Variants in DCLK2 observed in about 807,000 individuals in gnomAD.
DCLK2 encodes the protein serine/threonine-protein kinase DCLK2.
Under a neutral mutation model 78.4 loss-of-function variants are expected in DCLK2, and 31 were observed. The observed-to-expected ratio is 0.40, with a 90% confidence interval of 0.30 to 0.53. The LOEUF (loss-of-function observed/expected upper bound fraction) is 0.53. Ranked by LOEUF, DCLK2 falls within the 20% of genes least tolerant of loss-of-function variation. The pLI is 0.61. For synonymous variants in DCLK2, 407 were observed against 374.9 expected, an observed-to-expected ratio of 1.09 and a Z score of -0.99; for missense variants, 872 against 973.7, an observed-to-expected ratio of 0.90 and a Z score of 1.39.
chr4:150,080,955 A>G (rs894727488), intron 1 of DCLK2, among the ~76,000 whole-genome samples: 3 of 152,192 alleles, frequency 2.0e-5, no homozygotes, highest in Non-Finnish European at 4.4e-5. Flanking sequence ...GAGTATAAGT[A>G]AAAAAGGAAG....
At chr4:150,122,529 C>T (rs1422889531) in intron 2 of DCLK2, among the ~76,000 whole-genome samples, 2 of 152,274 alleles carry the variant, frequency 1.3e-5, no homozygotes, top group South Asian at 2.1e-4. Flanking sequence ...CACATGTTCT[C>T]CCTTGTAAGT....
At position 150,175,011 on chromosome 4, in the gene DCLK2, A is replaced by ATAT. The variant is rs1553964170; in HGVS notation, c.757-18127_757-18126insTAT. ...AGACTCCGTCGCAAAAAAAAAAAAA[A>ATAT]ATATATATATATATATATATATTTA... is the stretch of plus-strand genomic sequence containing the variant. On this transcript the variant is annotated intron_variant, in intron 2 of 15. Transcript: ENST00000296550. Among the ~76,000 whole-genome samples, 16 of 9,976 alleles carry ATAT rather than the reference A, an allele frequency of 1.6e-3. 3 individuals are homozygous for ATAT. Among genetic ancestry groups the ATAT allele is most frequent in the African/African-American group, 2.6e-3 (10 of 3,794 alleles). 6.5% of individuals were successfully genotyped at this position (9,976 alleles called of 152,430 possible).
chr4:150,189,671 G>C (rs182674136), intron 2 of DCLK2, among the ~76,000 whole-genome samples: 2 of 152,264 alleles, frequency 1.3e-5, no homozygotes, highest in Admixed American at 1.3e-4. Flanking sequence ...GACTTAGTAA[G>C]TCCTAAATGT....
At chr4:150,095,440 G>A (rs1414265433) in intron 1 of DCLK2, among the ~76,000 whole-genome samples, 1 of 152,176 alleles carries the variant, frequency 6.6e-6, no homozygotes, top group Non-Finnish European at 1.5e-5. Context: ...CATCCAAGTT[G>A]TTGCATATAG....
chr4:150,253,467 T>A (rs1229943572), intron 15 of DCLK2: 7 of 1,289,578 alleles, frequency 5.4e-6, no homozygotes, highest in Non-Finnish European at 6.1e-6. Flanking sequence ...TGCATTTTGT[T>A]TGACAGTTTG....
chr4:150,247,515 CTCCTTT>C, intron 12 of DCLK2, 82 bp from the exon 13 acceptor site: 1 of 1,079,926 alleles, frequency 9.3e-7, no homozygotes, highest in African/African-American at 1.6e-5. Context: ...AGAGACTGGA[CTCCTTT>C]CCCCGCTCTT....
At chr4:150,136,979 CTTTTTTTTTT>C (rs35729685) in intron 2 of DCLK2, among the ~76,000 whole-genome samples, 7 of 82,406 alleles carry the variant, frequency 8.5e-5, no homozygotes, top group African/African-American at 3.2e-4. Context: ...TCTTCTTCTT[CTTTTTTTTTT>C]TTTTTTTTTT....
intron 12 of DCLK2, among the ~76,000 whole-genome samples, chr4:150,245,190 A>G (rs1256957056): frequency 6.6e-6 from 1 of 152,202 alleles, no homozygotes; most frequent in Non-Finnish European, 1.5e-5. Flanking sequence ...GTGAAAAGGA[A>G]AGAAAACATT....
At chr4:150,244,808 T>A (rs906218732) in intron 12 of DCLK2, among the ~76,000 whole-genome samples, 2 of 152,238 alleles carry the variant, frequency 1.3e-5, no homozygotes, top group African/African-American at 4.8e-5. Context: ...CCCATTCTCA[T>A]TGCTGAGACA....
chr4:150,087,028 A>G (rs1186580967), intron 1 of DCLK2, among the ~76,000 whole-genome samples: 1 of 152,218 alleles, frequency 6.6e-6, no homozygotes, highest in Non-Finnish European at 1.5e-5. Flanking sequence ...CAGAAATAAA[A>G]TCAAGAGCTT....
rs147073024 is a variant in DCLK2 at position 150,123,932 on chromosome 4, C to T, written c.756+21120C>T. On this transcript the variant is annotated intron_variant, in intron 2 of 15. Transcript: ENST00000296550. ...GCACATGCTTGTAGTCCCAGCTACT[C>T]GGGTGGCTGAGGTGGGAGGATCGTT... Among the ~76,000 whole-genome samples the T allele has an allele frequency of 1.4e-3, 217 of 151,714 alleles. 2 individuals carry two copies. The highest frequency in any genetic ancestry group is 5.0e-3 in the African/African-American group (207 of 41,338).
At chr4:150,213,648 A>G (rs532274500) in intron 5 of DCLK2, among the ~76,000 whole-genome samples, 111 of 152,304 alleles carry the variant, frequency 7.3e-4, no homozygotes, top group African/African-American at 2.6e-3. Context: ...ACCTTTTTAA[A>G]GAAAAAATTT....
Position 150,256,440 on chromosome 4 carries a change from T to A in DCLK2, c.*193T>A. 1.4e-6 allele frequency: 1 copy of A among 712,514 alleles called. No homozygotes were observed. Among genetic ancestry groups the A allele is most frequent in the Non-Finnish European group, 2.2e-6 (1 of 456,070 alleles). 44.1% of individuals were successfully genotyped at this position (712,514 alleles called of 1,614,324 possible). On this transcript the variant is annotated 3_prime_UTR_variant, in exon 16 of 16. Transcript: ENST00000296550. ...GCCTGGTGCTCTGGGCTCTGCCTTC[T>A]GGTTCCTGGAGGCATCAAAGGCTGC...
In DCLK2 at chr4:150,079,276, C is replaced by T; in HGVS notation, c.249C>T (p.Tyr83=). 1.0e-5 allele frequency: 16 copies of T among 1,602,074 alleles called. No individual in the cohort carries two copies. Among genetic ancestry groups the T allele is most frequent in the Non-Finnish European group, 1.4e-5 (16 of 1,174,554 alleles). ...KARFYRNGDR[Y]FKGLVFAISS... ...GCTTCTACCGGAACGGGGACCGCTA[C>T]TTCAAGGGCCTGGTGTTTGCCATCT... Residue 83 remains tyrosine (Y), a synonymous_variant, in exon 1 of 16, where the codon TAC becomes TAT. Transcript: ENST00000296550.
At chr4:150,160,415 T>C (rs1166343895) in intron 2 of DCLK2, among the ~76,000 whole-genome samples, 2 of 152,178 alleles carry the variant, frequency 1.3e-5, no homozygotes, top group East Asian at 3.8e-4. Context: ...TAATTTACTT[T>C]CAGTATTCAA....
chr4:150,088,729 A>G (rs1271044124), intron 1 of DCLK2, among the ~76,000 whole-genome samples: 4 of 152,336 alleles, frequency 2.6e-5, no homozygotes, highest in South Asian at 4.1e-4. Context: ...GGAAAATTCC[A>G]TACTTAACCT....
intron 2 of DCLK2, among the ~76,000 whole-genome samples, chr4:150,168,497 G>GGT (rs1328660980): frequency 6.6e-6 from 1 of 152,066 alleles, no homozygotes; most frequent in Non-Finnish European, 1.5e-5. Context: ...AACTTGCCTT[G>GGT]GTCTCTCCTT....
chr4:150,243,185 G>A (rs1580786475), intron 12 of DCLK2, among the ~76,000 whole-genome samples: 5 of 152,250 alleles, frequency 3.3e-5, no homozygotes, highest in Admixed American at 2.6e-4. Flanking sequence ...TACTGAACGG[G>A]GAGCAGCTTT....
At chr4:150,158,752 C>T (rs2150240566) in intron 2 of DCLK2, among the ~76,000 whole-genome samples, 1 of 152,078 alleles carries the variant, frequency 6.6e-6, no homozygotes, top group South Asian at 2.1e-4. Flanking sequence ...GAAAAAACTG[C>T]ACAGGAAAGG....
Sources: allele counts gnomAD v4.1 joint callset (sites outside exome capture counted in the v4.1 genomes callset), GRCh38; gene constraint gnomAD v4.1.1; transcripts MANE v1.5; gene names NCBI Gene and HGNC (gene_info 2026-07-23, HGNC 2026-07-21).